Variants in CNTNAP5 observed in about 807,000 individuals in gnomAD.
CNTNAP5 encodes contactin-associated protein-like 5.
In CNTNAP5, 72 loss-of-function variants were observed where a neutral mutation model predicts 150.2. That is an observed-to-expected ratio of 0.48 (90% CI 0.40 to 0.58). The LOEUF (loss-of-function observed/expected upper bound fraction) is 0.58. CNTNAP5 is among the 20% of genes least tolerant of loss of function. The pLI is 0.00. For synonymous variants in CNTNAP5, 672 were observed against 619.8 expected (o/e 1.08, Z -1.25); for missense variants, 1,636 against 1,626.2 (o/e 1.01, Z -0.10).
intron 11 of CNTNAP5, among the ~76,000 whole-genome samples, chr2:124,576,033 C>T (rs564457133): frequency 1.6e-4 from 25 of 152,244 alleles, no homozygotes; most frequent in South Asian, 2.1e-4. Flanking sequence ...CCTCACACTA[C>T]GTCCCCATTT....
intron 8 of CNTNAP5, among the ~76,000 whole-genome samples, chr2:124,523,548 G>A (rs935515748): frequency 1.2e-4 from 18 of 152,176 alleles, no homozygotes; most frequent in Non-Finnish European, 1.3e-4. Flanking sequence ...ACAGGGTACA[G>A]CAAAGACAGC....
chr2:124,145,835 A>AAAAAAAG (rs1684234943), intron 1 of CNTNAP5, among the ~76,000 whole-genome samples: 4 of 49,782 alleles, frequency 8.0e-5, no homozygotes, highest in Admixed American at 2.9e-4. Context: ...AAAAGAAGAA[A>AAAAAAAG]AAAAAAAAAA....
intron 21 of CNTNAP5, among the ~76,000 whole-genome samples, chr2:124,872,937 A>T (rs56271052): frequency 0.068 from 10,327 of 152,086 alleles, 1,125 homozygotes; most frequent in African/African-American, 0.23. Flanking sequence ...TTGTTATTTT[A>T]TTTCTGGTGC....
At chr2:124,420,246 C>A (rs1182796270) in intron 4 of CNTNAP5, among the ~76,000 whole-genome samples, 1 of 151,918 alleles carries the variant, frequency 6.6e-6, no homozygotes, top group Admixed American at 6.6e-5. Flanking sequence ...AGCTCGGCCT[C>A]CCAAAGTGCT....
At chr2:124,609,357 G>T (rs1240839851) in intron 11 of CNTNAP5, among the ~76,000 whole-genome samples, 1 of 152,180 alleles carries the variant, frequency 6.6e-6, no homozygotes, top group East Asian at 1.9e-4. Flanking sequence ...GAGAGACTGA[G>T]GCAGGAGAAT....
intron 19 of CNTNAP5, among the ~76,000 whole-genome samples, chr2:124,856,798 C>T (rs1279405806): frequency 6.6e-6 from 1 of 152,126 alleles, no homozygotes; most frequent in Non-Finnish European, 1.5e-5. Flanking sequence ...CTCTTCCATG[C>T]GAGGTTCTTT....
chr2:124,251,946 A>C (rs1261465599), intron 3 of CNTNAP5, among the ~76,000 whole-genome samples: 1 of 152,216 alleles, frequency 6.6e-6, no homozygotes, highest in Non-Finnish European at 1.5e-5. Flanking sequence ...CACTACGTGT[A>C]AACAGCTCAG....
In CNTNAP5 at chr2:124,920,412, T is replaced by A. The variant is rs1678850239; in HGVS notation, c.*6124T>A. 6.6e-6 allele frequency among the ~76,000 whole-genome samples: 1 copy of A among 152,174 alleles called. No homozygotes were observed. Among genetic ancestry groups the A allele is most frequent in the African/African-American group, 2.4e-5 (1 of 41,468 alleles). ...GAGTCAGCCTCTATCACAAACATTT[T>A]ACATGAAATATTCACCTAGTCTATT... On this transcript the variant is annotated 3_prime_UTR_variant, in exon 24 of 24. Transcript: ENST00000682447.
intron 11 of CNTNAP5, among the ~76,000 whole-genome samples, chr2:124,586,504 T>C (rs1221940317): frequency 6.6e-6 from 1 of 152,216 alleles, no homozygotes; most frequent in Non-Finnish European, 1.5e-5. Flanking sequence ...AGCTTTTTTA[T>C]GTATAAAATG....
At chr2:124,810,619 C>A (rs571673225) in intron 19 of CNTNAP5, among the ~76,000 whole-genome samples, 59 of 152,060 alleles carry the variant, frequency 3.9e-4, no homozygotes, top group African/African-American at 1.4e-3. Flanking sequence ...CCTGTCACAA[C>A]GTGGTTCACC....
intron 17 of CNTNAP5, among the ~76,000 whole-genome samples, chr2:124,776,053 CT>C (rs1469244320): frequency 1.4e-4 from 22 of 152,278 alleles, no homozygotes; most frequent in African/African-American, 5.1e-4. Flanking sequence ...AACTGATCTT[CT>C]AAGGCTTGAA....
At chr2:124,085,492 C>T (rs1682665789) in intron 1 of CNTNAP5, among the ~76,000 whole-genome samples, 1 of 151,832 alleles carries the variant, frequency 6.6e-6, no homozygotes, top group Non-Finnish European at 1.5e-5. Flanking sequence ...TAGCTCTTTA[C>T]TTCATTAATT....
At chr2:124,718,086 TGAG>T (rs1194101223) in intron 13 of CNTNAP5, among the ~76,000 whole-genome samples, 1 of 152,208 alleles carries the variant, frequency 6.6e-6, no homozygotes, top group East Asian at 1.9e-4. Flanking sequence ...AGAAAATAAA[TGAG>T]AAGACTAACA....
intron 17 of CNTNAP5, among the ~76,000 whole-genome samples, chr2:124,775,294 T>A (rs1681297101): frequency 1.3e-5 from 2 of 152,198 alleles, no homozygotes; most frequent in Non-Finnish European, 2.9e-5. Flanking sequence ...GGTGCTTAGT[T>A]ATAGTCACCA....
intron 3 of CNTNAP5, among the ~76,000 whole-genome samples, chr2:124,338,067 G>A (rs1689521762): frequency 6.6e-6 from 1 of 151,884 alleles, no homozygotes; most frequent in Non-Finnish European, 1.5e-5. Context: ...AGTTCTCCTT[G>A]AAGAGGTCCT....
intron 21 of CNTNAP5, among the ~76,000 whole-genome samples, chr2:124,891,716 G>A (rs1044628082): frequency 2.6e-5 from 4 of 152,052 alleles, no homozygotes; most frequent in Admixed American, 2.0e-4. Flanking sequence ...TTGAGGCAGG[G>A]ACTGCCTATC....
Position 124,712,295 on chromosome 2 carries a change from T to A in CNTNAP5, c.2078-34934T>A, listed in dbSNP as rs557700355. On this transcript the variant is annotated intron_variant, in intron 13 of 23. Transcript: ENST00000682447. Reference sequence around the variant, plus strand: ...CCAGATGCTGTTCTAAGCATTTACTTGTATTGCCTCATTTAATCCTCACAA... The same window carrying A: ...CCAGATGCTGTTCTAAGCATTTACTAGTATTGCCTCATTTAATCCTCACAA... Among the ~76,000 whole-genome samples the A allele has an allele frequency of 5.9e-5, 9 of 152,308 alleles. No individual in the cohort carries two copies. In the South Asian group the frequency reaches 1.7e-3, roughly 28 times the overall value.
At chr2:124,200,347 T>C (rs568617817) in intron 1 of CNTNAP5, among the ~76,000 whole-genome samples, 28 of 152,308 alleles carry the variant, frequency 1.8e-4, no homozygotes, top group African/African-American at 6.5e-4. Flanking sequence ...CTCTTATTCA[T>C]ATATATTTCT....
rs1294640842 is a variant in CNTNAP5, at chr2:124,772,808, A to G, written c.2543A>G (p.Glu848Gly). 1 of 1,613,536 alleles carries G rather than the reference A, an allele frequency of 6.2e-7. No homozygotes were observed. Among genetic ancestry groups the G allele is most frequent in the Non-Finnish European group, 8.5e-7 (1 of 1,179,570 alleles). ...TCCTTTCCGGTTTCAGCTCCTTCAG[A>G]GATCACCTTTGCCATCGATGTTGGG... is the stretch of plus-strand genomic sequence containing the variant. ...FIRLEISSPS[E>G]ITFAIDVGNG... Residue 848 changes from glutamate to glycine, a missense_variant, in exon 17 of 24, where the codon GAG becomes GGG. Physicochemically the swap from Glu to Gly is moderately conservative, Grantham distance 98. Transcript: ENST00000682447.
Sources: gnomAD v4.1 joint callset for allele counts (sites outside exome capture counted in the v4.1 genomes callset) on GRCh38, gnomAD v4.1.1 for gene constraint, MANE v1.5 for transcripts, NCBI Gene and HGNC (gene_info 2026-07-23, HGNC 2026-07-21) for gene names.